Variants in KLF7 observed in about 807,000 individuals in gnomAD.
The protein encoded by KLF7 is KLF transcription factor 7.
Under a neutral mutation model 27.3 loss-of-function variants are expected in KLF7, and 2 were observed. That is an observed-to-expected ratio of 0.07 (90% CI 0.03 to 0.23). KLF7 has a LOEUF of 0.23. Among genes scored for constraint, KLF7 ranks in the 10% least tolerant of loss-of-function variants. The pLI is 1.00. For synonymous variants in KLF7, 165 were observed against 162.4 expected, an observed-to-expected ratio of 1.02 and a Z score of -0.12; for missense variants, 221 against 394.1, an observed-to-expected ratio of 0.56 and a Z score of 3.72.
In KLF7 at chr2:207,081,207, G is replaced by A. The variant is rs372889624; in HGVS notation, c.*6C>T. 4.3e-6 allele frequency: 7 copies of A among 1,613,580 alleles called. No individual in the cohort carries two copies. The highest frequency in any genetic ancestry group is 4.5e-5 in the East Asian group (2 of 44,892). On this transcript the variant is annotated 3_prime_UTR_variant, in exon 4 of 4. Transcript: ENST00000309446. ...GATGCCATGGCAACTCTGGCCTTTCGGTTTTTTAGATATGTCTCTTCATGT... is the reference window on the plus strand; with the variant it reads ...GATGCCATGGCAACTCTGGCCTTTCAGTTTTTTAGATATGTCTCTTCATGT...
chr2:207,160,528 T>G (rs989319634), intron 1 of KLF7, among the ~76,000 whole-genome samples: 2 of 152,230 alleles, frequency 1.3e-5, no homozygotes, highest in African/African-American at 4.8e-5. Context: ...CGACCCCGTC[T>G]GGAATCAGAC....
chr2:207,133,976 G>A, intron 1 of KLF7: 3 of 922,566 alleles, frequency 3.3e-6, no homozygotes, highest in Non-Finnish European at 4.8e-6. Flanking sequence ...CTGTTTTACA[G>A]CCCGCTCTTA....
At chr2:207,108,588 C>T (rs1486672194) in intron 2 of KLF7, among the ~76,000 whole-genome samples, 2 of 152,316 alleles carry the variant, frequency 1.3e-5, no homozygotes, top group Admixed American at 1.3e-4. Flanking sequence ...AAATGCCCAT[C>T]ACTCTGAGGT....
intron 1 of KLF7, among the ~76,000 whole-genome samples, chr2:207,141,122 G>C (rs1324647745): frequency 6.6e-6 from 1 of 151,996 alleles, no homozygotes; most frequent in Non-Finnish European, 1.5e-5. Context: ...CTTCCCAATG[G>C]TATGAAAATC....
At position 207,092,354 on chromosome 2, in the gene KLF7, C is replaced by A. The variant is rs1235059301; in HGVS notation, c.734-3773G>T. Among the ~76,000 whole-genome samples the A allele has an allele frequency of 4.9e-4, 75 of 152,204 alleles. 1 individual carries two copies. The highest frequency in any genetic ancestry group is 4.9e-3 in the Admixed American group (75 of 15,288). ...GTGGGTGAGGCAGTGAGGCTGTGCC[C>A]CCACAGCTCACAATGCTGGAGGCAG... On this transcript the variant is annotated intron_variant, in intron 2 of 3. Transcript: ENST00000309446.
At position 207,075,474 on chromosome 2, in the gene KLF7, G is replaced by T. The variant is rs1468795657; in HGVS notation, c.*5739C>A. On this transcript the variant is annotated 3_prime_UTR_variant, in exon 4 of 4. Transcript: ENST00000309446. Reference sequence around the variant, plus strand: ...AGAGAAGGCCTGAGAGAATGTGACGGGGGGAGGCGGGGAAGGAGACGGGGC... The same window carrying T: ...AGAGAAGGCCTGAGAGAATGTGACGTGGGGAGGCGGGGAAGGAGACGGGGC... 2.0e-5 allele frequency: 3 copies of T among 152,024 alleles called. No individual in the cohort carries two copies. Among genetic ancestry groups the T allele is most frequent in the Admixed American group, 2.0e-4 (3 of 15,264 alleles). 9.4% of individuals were successfully genotyped at this position (152,024 alleles called of 1,614,324 possible).
chr2:207,088,141 T>G (rs1197521687), intron 3 of KLF7, among the ~76,000 whole-genome samples: 1 of 152,224 alleles, frequency 6.6e-6, no homozygotes, highest in African/African-American at 2.4e-5. Flanking sequence ...GACCATTCTC[T>G]GTCTCACTAC....
intron 1 of KLF7, among the ~76,000 whole-genome samples, chr2:207,153,026 T>C (rs1185548032): frequency 6.6e-6 from 1 of 152,214 alleles, no homozygotes; most frequent in African/African-American, 2.4e-5. Context: ...ACTGTTTGTA[T>C]GTCTGATAAT....
At chr2:207,149,528 T>C (rs1478394543) in intron 1 of KLF7, among the ~76,000 whole-genome samples, 2 of 152,220 alleles carry the variant, frequency 1.3e-5, no homozygotes, top group Non-Finnish European at 2.9e-5. Context: ...GCCACAGTTT[T>C]GGCAACAGGA....
upstream of KLF7, chr2:207,167,007 C>T: frequency 1.2e-6 from 1 of 855,410 alleles, no homozygotes; most frequent in East Asian, 3.7e-5. Flanking sequence ...GTCGGGAGTC[C>T]GGCGGCTAGA....
chr2:207,162,645 G>A (rs1039441265), intron 1 of KLF7, among the ~76,000 whole-genome samples: 1 of 152,222 alleles, frequency 6.6e-6, no homozygotes, highest in African/African-American at 2.4e-5. Context: ...GCCACAGTCA[G>A]TGACTTTGTC....
chr2:207,136,704 C>T (rs1320763392), intron 1 of KLF7, among the ~76,000 whole-genome samples: 2 of 152,168 alleles, frequency 1.3e-5, no homozygotes, highest in South Asian at 4.1e-4. Context: ...ATCCCCAGCA[C>T]CCAGCACAGT....
chr2:207,162,055 T>C (rs1242844423), intron 1 of KLF7, among the ~76,000 whole-genome samples: 1 of 152,180 alleles, frequency 6.6e-6, no homozygotes, highest in Non-Finnish European at 1.5e-5. Flanking sequence ...CCTGCACTCA[T>C]GAAATAGCAG....
At chr2:207,166,847 G>A (rs1202856247), upstream of KLF7, 1 of 1,047,024 alleles carries the variant, frequency 9.6e-7, no homozygotes, top group African/African-American at 1.7e-5. Flanking sequence ...AGGAGGAAGT[G>A]CCACACAATG....
chr2:207,139,913 CTT>C (rs1242307714), intron 1 of KLF7, among the ~76,000 whole-genome samples: 1 of 152,006 alleles, frequency 6.6e-6, no homozygotes, highest in African/African-American at 2.4e-5. Flanking sequence ...AAGAGTCTTT[CTT>C]TTTTGAGACA....
chr2:207,123,261 A>G (rs1253418918), intron 2 of KLF7, among the ~76,000 whole-genome samples: 1 of 152,200 alleles, frequency 6.6e-6, no homozygotes, highest in Non-Finnish European at 1.5e-5. Flanking sequence ...GGAGATGCCA[A>G]TTAATTATAG....
intron 1 of KLF7, among the ~76,000 whole-genome samples, chr2:207,144,223 T>C (rs2078033617): frequency 6.6e-6 from 1 of 151,036 alleles, no homozygotes; most frequent in Non-Finnish European, 1.5e-5. Context: ...CAGAGAGCTG[T>C]CATTTGGCAT....
In KLF7 at chr2:207,093,421, C is replaced by T. The variant is rs146644909; in HGVS notation, c.734-4840G>A. Reference sequence around the variant, plus strand: ...CTGCCCTGCCTGCAGGCTCCCACCTCGAGGCCTTTGCACTGGCTCCTCGCT... The same window carrying T: ...CTGCCCTGCCTGCAGGCTCCCACCTTGAGGCCTTTGCACTGGCTCCTCGCT... On this transcript the variant is annotated intron_variant, in intron 2 of 3. Transcript: ENST00000309446. Among the ~76,000 whole-genome samples, 365 of 152,258 alleles carry T rather than the reference C, an allele frequency of 2.4e-3. 1 individual carries two copies. The highest frequency in any genetic ancestry group is 8.4e-3 in the African/African-American group (350 of 41,544).
chr2:207,117,664 C>A (rs1195467655), intron 2 of KLF7, among the ~76,000 whole-genome samples: 1 of 152,156 alleles, frequency 6.6e-6, no homozygotes, highest in Non-Finnish European at 1.5e-5. Context: ...TGATGAACCC[C>A]CTACAGTTCC....
Sources: allele counts gnomAD v4.1 joint callset (sites outside exome capture counted in the v4.1 genomes callset), GRCh38; gene constraint gnomAD v4.1.1; transcripts MANE v1.5; gene names NCBI Gene and HGNC (gene_info 2026-07-23, HGNC 2026-07-21).